The following ARL5B variants were observed in gnomAD, a reference collection of about 807,000 sequenced individuals.
The protein encoded by ARL5B is ADP-ribosylation factor-like protein 5B.
A neutral mutation model predicts 26.9 loss-of-function variants in ARL5B; 10 were observed. That is an observed-to-expected ratio of 0.37 (90% CI 0.23 to 0.63). ARL5B has a LOEUF of 0.63. Ranked by LOEUF, ARL5B falls within the 30% of genes least tolerant of loss-of-function variation. The probability of loss-of-function intolerance (pLI) is 0.62; values close to 1 mark genes in which losing one functional copy is unlikely to be tolerated. For missense variants in ARL5B, 167 were observed against 213.9 expected (o/e 0.78, Z 1.37); for synonymous variants, 87 against 70.4 (o/e 1.24, Z -1.18).
intron 3 of ARL5B, among the ~76,000 whole-genome samples, chr10:18,670,576 A>G (rs2059882544): frequency 6.6e-6 from 1 of 152,300 alleles, no homozygotes; most frequent in South Asian, 2.1e-4. Flanking sequence ...GCACCACTGC[A>G]CTCCAGCCTG....
chr10:18,661,064 G>A (rs900984299), intron 1 of ARL5B, among the ~76,000 whole-genome samples: 1 of 152,112 alleles, frequency 6.6e-6, no homozygotes, highest in Admixed American at 6.5e-5. Context: ...GGGCAGGCTG[G>A]TCTCGACCTT....
chr10:18,659,979 T>TGG, intron 1 of ARL5B: 1 of 975,322 alleles, frequency 1.0e-6, no homozygotes, highest in Non-Finnish European at 1.2e-6. Context: ...AGGAGGCGTA[T>TGG]GGAGGGCCTT....
intron 3 of ARL5B, among the ~76,000 whole-genome samples, chr10:18,671,551 A>C (rs1010783602): frequency 6.6e-6 from 1 of 152,072 alleles, no homozygotes; most frequent in African/African-American, 2.4e-5. Flanking sequence ...CTCCTGCTGT[A>C]ATAACATCAT....
At chr10:18,661,305 A>G (rs770664340) in intron 1 of ARL5B, among the ~76,000 whole-genome samples, 2 of 152,058 alleles carry the variant, frequency 1.3e-5, no homozygotes, top group Non-Finnish European at 2.9e-5. Context: ...TTTCTGTTAC[A>G]TGGCTGCTGT....
intron 1 of ARL5B, among the ~76,000 whole-genome samples, chr10:18,661,905 C>T (rs975678636): frequency 3.9e-5 from 6 of 152,026 alleles, no homozygotes; most frequent in African/African-American, 1.2e-4. Context: ...AGTTTGCTTG[C>T]GAGGAGTGAA....
chr10:18,666,697 A>C, intron 2 of ARL5B, 62 bp downstream of exon 2: 3 of 1,334,234 alleles, frequency 2.2e-6, no homozygotes, highest in Non-Finnish European at 3.1e-6. Context: ...GTTTACAATT[A>C]ATAAGAGATG....
Position 18,677,117 on chromosome 10 carries a change from C to T in ARL5B, c.*1901C>T, listed in dbSNP as rs2059913710. 2.6e-5 allele frequency: 4 copies of T among 151,758 alleles called. No individual in the cohort carries two copies. The highest frequency in any genetic ancestry group is 1.9e-4 in the East Asian group (1 of 5,130). 9.4% of individuals were successfully genotyped at this position (151,758 alleles called of 1,614,324 possible). A position where few individuals can be genotyped will look rare whatever the true frequency, so the allele number is the denominator to read the frequency against. ...ATTTCTGCTTGGTTGTGTTGTTTAC[C>T]GTAAGTACTGAGGGTAGTTTCCCTA... On this transcript the variant is annotated 3_prime_UTR_variant, in exon 6 of 6. Transcript: ENST00000377275.
In ARL5B at chr10:18,676,376, A is replaced by T. The variant is rs1590230665; in HGVS notation, c.*1160A>T. 2.0e-5 allele frequency: 3 copies of T among 152,218 alleles called. No homozygotes were observed. The allele number at this position is 152,218 out of a possible 1,614,324, so 9.4% of individuals were successfully genotyped here. On this transcript the variant is annotated 3_prime_UTR_variant, in exon 6 of 6. Coordinates refer to ENST00000377275, the MANE Select transcript of ARL5B (RefSeq NM_178815.5). ...TGCTGAATTGAATCCTAGCTTTTAG[A>T]ATATTAATAGGAGACTCAAAGTTAA... is the stretch of plus-strand genomic sequence containing the variant.
chr10:18,659,830 T>C, intron 1 of ARL5B, 147 bp downstream of exon 1: 2 of 1,494,384 alleles, frequency 1.3e-6, no homozygotes, highest in Non-Finnish European at 1.8e-6. Flanking sequence ...CTCAGTGTTT[T>C]AGACCTGGAG....
At chr10:18,660,612 G>C (rs1444571586) in intron 1 of ARL5B, among the ~76,000 whole-genome samples, 1 of 151,974 alleles carries the variant, frequency 6.6e-6, no homozygotes, top group Admixed American at 6.6e-5. Context: ...ATCTTTTTCT[G>C]GATTTAAGAA....
intron 3 of ARL5B, among the ~76,000 whole-genome samples, chr10:18,671,974 A>C (rs4747357): frequency 0.029 from 4,394 of 152,188 alleles, 218 homozygotes; most frequent in South Asian, 0.16. Flanking sequence ...ATTTTTTAAT[A>C]TGCAAACTCC....
chr10:18,669,586 A>T (rs936022969), intron 3 of ARL5B, among the ~76,000 whole-genome samples: 1 of 152,176 alleles, frequency 6.6e-6, no homozygotes, highest in Non-Finnish European at 1.5e-5. Context: ...CATTCAATGT[A>T]GTTTAGAGAG....
intron 1 of ARL5B, among the ~76,000 whole-genome samples, chr10:18,660,809 A>G (rs1177034119): frequency 6.6e-6 from 1 of 152,172 alleles, no homozygotes. Context: ...GCAGAGCTTC[A>G]CACTTTGTGG....
At position 18,679,214 on chromosome 10, in the gene ARL5B, A is replaced by T. The variant is rs984087999; in HGVS notation, c.*3998A>T. 6.6e-6 allele frequency: 1 copy of T among 151,934 alleles called. No individual in the cohort carries two copies. Among genetic ancestry groups the T allele is most frequent in the African/African-American group, 2.4e-5 (1 of 41,434 alleles). The allele number at this position is 151,934 out of a possible 1,614,324, so 9.4% of individuals were successfully genotyped here. ...AACAAGCCATATTGCTAAGAAAAGGATAGTAAGCTGCTTAGAAAGAACCAG... is the reference window on the plus strand; with the variant it reads ...AACAAGCCATATTGCTAAGAAAAGGTTAGTAAGCTGCTTAGAAAGAACCAG... On this transcript the variant is annotated 3_prime_UTR_variant, in exon 6 of 6. Transcript: ENST00000377275.
chr10:18,676,277 G>A lies in ARL5B; in HGVS notation c.*1061G>A, dbSNP rs1234734602. 6.6e-6 allele frequency: 1 copy of A among 152,202 alleles called. No individual in the cohort carries two copies. Among genetic ancestry groups the A allele is most frequent in the Non-Finnish European group, 1.5e-5 (1 of 67,822 alleles). The allele number at this position is 152,202 out of a possible 1,614,324, so 9.4% of individuals were successfully genotyped here. Reference sequence around the variant, plus strand: ...ATGGCTTTCCTTGAATTTATTTGACGGTATTATGTAATAGACTTGAAACAA... The same window carrying A: ...ATGGCTTTCCTTGAATTTATTTGACAGTATTATGTAATAGACTTGAAACAA... On this transcript the variant is annotated 3_prime_UTR_variant, in exon 6 of 6. Transcript: ENST00000377275.
At chr10:18,662,140 A>G (rs1250070105) in intron 1 of ARL5B, among the ~76,000 whole-genome samples, 2 of 152,230 alleles carry the variant, frequency 1.3e-5, no homozygotes, top group African/African-American at 4.8e-5. Flanking sequence ...GTGGAATTAG[A>G]TATATTAGAA....
At chr10:18,663,756 G>A (rs2059847890) in intron 1 of ARL5B, among the ~76,000 whole-genome samples, 1 of 151,558 alleles carries the variant, frequency 6.6e-6, no homozygotes. Flanking sequence ...CACCATGTTA[G>A]CTAGGATGGT....
At chr10:18,671,803 C>G (rs2131644898) in intron 3 of ARL5B, among the ~76,000 whole-genome samples, 1 of 152,114 alleles carries the variant, frequency 6.6e-6, no homozygotes, top group African/African-American at 2.4e-5. Flanking sequence ...GTAGGTGGGA[C>G]TATGTGCATG....
chr10:18,659,565 C>G lies in ARL5B; in HGVS notation c.-73C>G. 1.3e-6 allele frequency: 2 copies of G among 1,503,886 alleles called. No individual in the cohort carries two copies. Among genetic ancestry groups the G allele is most frequent in the Non-Finnish European group, 1.8e-6 (2 of 1,128,098 alleles). The allele number at this position is 1,503,886 out of a possible 1,614,324, so 93.2% of individuals were successfully genotyped here. On this transcript the variant is annotated 5_prime_UTR_variant, in exon 1 of 6. Coordinates refer to ENST00000377275, the MANE Select transcript of ARL5B (RefSeq NM_178815.5). Reference sequence around the variant, plus strand: ...GGGTTCTCCTCGGCTCCGCGCAGCCCGCGCCGCGGTGGGGGACCCGGCGCA... The same window carrying G: ...GGGTTCTCCTCGGCTCCGCGCAGCCGGCGCCGCGGTGGGGGACCCGGCGCA...
Sources: gnomAD v4.1 joint callset for allele counts (sites outside exome capture counted in the v4.1 genomes callset) on GRCh38, gnomAD v4.1.1 for gene constraint, MANE v1.5 for transcripts, NCBI Gene and HGNC (gene_info 2026-07-23, HGNC 2026-07-21) for gene names.